Variants in NDRG1 observed in about 807,000 individuals in gnomAD.
The protein encoded by NDRG1 is protein NDRG1.
Under a neutral mutation model 56.9 loss-of-function variants are expected in NDRG1, and 32 were observed. That is an observed-to-expected ratio of 0.56 (90% CI 0.42 to 0.76). NDRG1 has a LOEUF of 0.76. NDRG1 is among the 30% of genes least tolerant of loss of function. NDRG1 has a pLI of 0.00. For synonymous variants in NDRG1, 211 were observed against 204.1 expected, an observed-to-expected ratio of 1.03 and a Z score of -0.29; for missense variants, 507 against 545.7, an observed-to-expected ratio of 0.93 and a Z score of 0.71.
At position 133,275,848 on chromosome 8, in the gene NDRG1, G is replaced by A. The variant is rs1003067971; in HGVS notation, c.99+4384C>T. Among the ~76,000 whole-genome samples, 9 of 152,296 alleles carry A rather than the reference G, an allele frequency of 5.9e-5. No individual in the cohort carries two copies. The South Asian group carries it at 1.2e-3, about 21-fold the overall frequency. On this transcript the variant is annotated intron_variant, in intron 3 of 15. Coordinates refer to ENST00000323851, the MANE Select transcript of NDRG1 (RefSeq NM_006096.4). ...TCCGTAGGATGGGGACAGGATCGCC[G>A]TAAGCACACGTGGGGCACATTTGGC...
chr8:133,257,705 C>A (rs1456228319), intron 7 of NDRG1, among the ~76,000 whole-genome samples: 2 of 152,174 alleles, frequency 1.3e-5, no homozygotes, highest in African/African-American at 4.8e-5. Flanking sequence ...GATATGTACA[C>A]CTGGGGTACA....
At chr8:133,278,972 C>A (rs1857617532) in intron 3 of NDRG1, among the ~76,000 whole-genome samples, 1 of 151,250 alleles carries the variant, frequency 6.6e-6, no homozygotes, top group African/African-American at 2.4e-5. Context: ...CTCACTGCAA[C>A]CTCTGCCTCC....
Position 133,237,292 on chromosome 8 carries a change from C to G in NDRG1, c.*1586G>C. 8.6e-6 allele frequency: 2 copies of G among 231,628 alleles called. No homozygotes were observed. The highest frequency in any genetic ancestry group is 1.7e-5 in the Non-Finnish European group (2 of 117,046). 14.3% of individuals were successfully genotyped at this position (231,628 alleles called of 1,614,324 possible). On this transcript the variant is annotated 3_prime_UTR_variant, in exon 16 of 16. Transcript: ENST00000323851. ...CGTACTCAGCCTCTCTTGCCCCGATCCCCGACTTTTCTACTCAAGGCCAGG... is the reference window on the plus strand; with the variant it reads ...CGTACTCAGCCTCTCTTGCCCCGATGCCCGACTTTTCTACTCAAGGCCAGG...
At chr8:133,249,854 C>T (rs575854932) in intron 10 of NDRG1, among the ~76,000 whole-genome samples, 2 of 152,352 alleles carry the variant, frequency 1.3e-5, no homozygotes, top group African/African-American at 2.4e-5. Context: ...TCCTGTTCTG[C>T]GAGCGTGGCA....
chr8:133,273,175 AC>A (rs1554593549), intron 3 of NDRG1, among the ~76,000 whole-genome samples: 1 of 20,890 alleles, frequency 4.8e-5, no homozygotes, highest in African/African-American at 7.7e-5. Context: ...GCACACAAAC[AC>A]AGATTCCCAT....
intron 3 of NDRG1, among the ~76,000 whole-genome samples, chr8:133,272,170 G>A (rs952929004): frequency 5.3e-5 from 8 of 152,326 alleles, no homozygotes; most frequent in South Asian, 2.1e-4. Flanking sequence ...AAGTTACAGA[G>A]GGTCAGGGAA....
At chr8:133,261,104 C>A (rs1442249462) in intron 5 of NDRG1, among the ~76,000 whole-genome samples, 1 of 152,152 alleles carries the variant, frequency 6.6e-6, no homozygotes, top group Non-Finnish European at 1.5e-5. Context: ...ATCAGCTGTG[C>A]AACCTTTTTT....
intron 3 of NDRG1, among the ~76,000 whole-genome samples, chr8:133,269,821 C>G (rs1857103095): frequency 6.6e-6 from 1 of 152,212 alleles, no homozygotes; most frequent in African/African-American, 2.4e-5. Flanking sequence ...AAGGACTGGC[C>G]ATCCATGCAG....
At chr8:133,294,681 G>GGC (rs879714914) in intron 1 of NDRG1, among the ~76,000 whole-genome samples, 4 of 151,224 alleles carry the variant, frequency 2.6e-5, no homozygotes, top group African/African-American at 9.8e-5. Flanking sequence ...TGGGGGGGGG[G>GGC]CAGCCCCATT....
chr8:133,247,139 C>A (rs1343667090), intron 12 of NDRG1, among the ~76,000 whole-genome samples: 1 of 152,148 alleles, frequency 6.6e-6, no homozygotes, highest in Non-Finnish European at 1.5e-5. Flanking sequence ...GGGCAGAATA[C>A]CCATATGTAA....
chr8:133,295,400 T>A (rs563907337), intron 1 of NDRG1, among the ~76,000 whole-genome samples: 4 of 152,160 alleles, frequency 2.6e-5, no homozygotes, highest in Non-Finnish European at 5.9e-5. Flanking sequence ...ACACCCAGTT[T>A]TCCATCCACA....
Position 133,246,667 on chromosome 8 carries a change from C to T in NDRG1, c.808-4G>A. On this transcript the variant is annotated splice_region_variant and splice_polypyrimidine_tract_variant and intron_variant, in intron 12 of 15. Coordinates refer to ENST00000323851, the MANE Select transcript of NDRG1 (RefSeq NM_006096.4). Reference sequence around the variant, plus strand: ...CCAATTTTGAGTTGCACTCCACCTGCACAAGAGGGAGGAAATCTGTTAATT... The same window carrying T: ...CCAATTTTGAGTTGCACTCCACCTGTACAAGAGGGAGGAAATCTGTTAATT... The T allele has an allele frequency of 6.2e-7, 1 of 1,614,030 alleles. No individual in the cohort carries two copies. The highest frequency in any genetic ancestry group is 8.5e-7 in the Non-Finnish European group (1 of 1,179,942).
intron 7 of NDRG1, 119 bp downstream of exon 7, chr8:133,258,247 C>G (rs2130724335): frequency 1.0e-6 from 1 of 997,966 alleles, no homozygotes; most frequent in Non-Finnish European, 1.5e-6. Flanking sequence ...ACACACACAA[C>G]TGTGGAGAAT....
chr8:133,242,085 C>G lies in NDRG1; in HGVS notation c.892-11G>C. 1.9e-6 allele frequency: 3 copies of G among 1,614,188 alleles called. No individual in the cohort carries two copies. In the East Asian group the frequency reaches 6.7e-5, roughly 36 times the overall value. ...AGCGAGCTTGGCCGGCTGCGAGAGA[C>G]AAGGAGAGAAAATGCAGTCAGTTGC... On this transcript the variant is annotated splice_polypyrimidine_tract_variant and intron_variant, in intron 14 of 15. Coordinates refer to ENST00000323851, the MANE Select transcript of NDRG1 (RefSeq NM_006096.4).
intron 1 of NDRG1, among the ~76,000 whole-genome samples, chr8:133,289,622 G>A (rs1244861595): frequency 1.3e-5 from 2 of 152,156 alleles, no homozygotes; most frequent in African/African-American, 4.8e-5. Context: ...TGGATCACAG[G>A]TGCCAGGCAA....
rs1266200366 is a variant in NDRG1 at position 133,250,465 on chromosome 8, G to C, written c.673C>G (p.His225Asp). The change falls in exon 10 of 16, where the codon CAC (histidine) becomes GAC (aspartate). Residue 225 changes from histidine (H) to aspartate (D), a missense_variant. His to Asp is a moderately conservative substitution (Grantham distance 81). Transcript: ENST00000323851. Reference sequence around the variant, plus strand: ...CTGTTGTAGGCATTGATGAACAGGTGCAGGTTGCCGGGGTTCATGTCATTC... The same window carrying C: ...CTGTTGTAGGCATTGATGAACAGGTCCAGGTTGCCGGGGTTCATGTCATTC... Reference protein sequence around the residue: ...IVNDMNPGNLHLFINAYNSRR... With the variant: ...IVNDMNPGNLDLFINAYNSRR... 1 of 1,614,090 alleles carries C rather than the reference G, an allele frequency of 6.2e-7. No homozygotes were observed. The highest frequency in any genetic ancestry group is 8.5e-7 in the Non-Finnish European group (1 of 1,179,984).
At chr8:133,285,651 C>G (rs778251774) in intron 1 of NDRG1, among the ~76,000 whole-genome samples, 2 of 152,210 alleles carry the variant, frequency 1.3e-5, no homozygotes, top group African/African-American at 2.4e-5. Context: ...ACATGGCATT[C>G]CGTGGGCAGA....
At chr8:133,245,093 C>T (rs1855598176) in intron 13 of NDRG1, among the ~76,000 whole-genome samples, 1 of 152,136 alleles carries the variant, frequency 6.6e-6, no homozygotes, top group Non-Finnish European at 1.5e-5. Flanking sequence ...GTCTGGACCC[C>T]CAACACTAGC....
At chr8:133,251,334 G>A (rs767186637) in intron 9 of NDRG1, among the ~76,000 whole-genome samples, 1 of 152,192 alleles carries the variant, frequency 6.6e-6, no homozygotes, top group South Asian at 2.1e-4. Context: ...AAAGAAAGCC[G>A]GTGTCAAGCT....
Sources: allele counts gnomAD v4.1 joint callset (sites outside exome capture counted in the v4.1 genomes callset), GRCh38; gene constraint gnomAD v4.1.1; transcripts MANE v1.5; gene names NCBI Gene and HGNC (gene_info 2026-07-23, HGNC 2026-07-21).